The following FRG1 variants were observed in gnomAD, a reference collection of about 807,000 sequenced individuals.
The protein encoded by FRG1 is protein FRG1.
In FRG1, 19 loss-of-function variants were observed where a neutral mutation model predicts 37.0. That is an observed-to-expected ratio of 0.51 (90% CI 0.36 to 0.75). The LOEUF is 0.75. Among genes scored for constraint, FRG1 ranks in the 30% least tolerant of loss-of-function variants. FRG1 has a pLI of 0.00. For synonymous variants in FRG1, 73 were observed against 96.5 expected, an observed-to-expected ratio of 0.76 and a Z score of 1.43; for missense variants, 243 against 301.4, an observed-to-expected ratio of 0.81 and a Z score of 1.44.
At chr4:189,946,653 TTTTTC>T (rs1736541677) in intron 2 of FRG1, among the ~76,000 whole-genome samples, 1 of 152,236 alleles carries the variant, frequency 6.6e-6, no homozygotes. Flanking sequence ...TTCCTTGTGA[TTTTTC>T]TTTTCATGGA....
chr4:189,950,893 GTCTT>G (rs1460610868), intron 2 of FRG1, among the ~76,000 whole-genome samples: 1 of 152,008 alleles, frequency 6.6e-6, no homozygotes, highest in African/African-American at 2.4e-5. Context: ...AACGTGGTAT[GTCTT>G]TCTGTCATCA....
In FRG1 at chr4:189,940,893, T is replaced by A. The variant is rs1211994535; in HGVS notation, c.-117T>A. The A allele has an allele frequency of 1.4e-6, 1 of 704,824 alleles. No individual in the cohort carries two copies. The highest frequency in any genetic ancestry group is 1.7e-5 in the South Asian group (1 of 57,370). 43.7% of individuals were successfully genotyped at this position (704,824 alleles called of 1,614,324 possible). ...AGGCGGGTTCTACAGAGACGTAGGC[T>A]GTCAGGGAGTGTTTATTTCGCGTCC... On this transcript the variant is annotated 5_prime_UTR_variant, in exon 1 of 9. Transcript: ENST00000226798.
intron 6 of FRG1, among the ~76,000 whole-genome samples, chr4:189,959,058 T>C (rs911081101): frequency 2.0e-5 from 3 of 152,340 alleles, no homozygotes; most frequent in East Asian, 1.9e-4. Flanking sequence ...TTCGTTCTTA[T>C]AATTAGAGCA....
At chr4:189,960,382 G>A (rs1579646154) in intron 6 of FRG1, among the ~76,000 whole-genome samples, 1 of 152,176 alleles carries the variant, frequency 6.6e-6, no homozygotes, top group South Asian at 2.1e-4. Context: ...CTTTCAATCC[G>A]ATCAAATGAA....
intron 6 of FRG1, among the ~76,000 whole-genome samples, 162 bp downstream of exon 6, chr4:189,957,664 A>G (rs2126819501): frequency 6.6e-6 from 1 of 152,264 alleles, no homozygotes; most frequent in African/African-American, 2.4e-5. Context: ...TAAATCCCAT[A>G]GTTGATGTCT....
At position 189,960,749 on chromosome 4, in the gene FRG1, T is replaced by G; in HGVS notation, c.539T>G (p.Ile180Ser). 6.2e-7 allele frequency: 1 copy of G among 1,601,634 alleles called. No homozygotes were observed. The highest frequency in any genetic ancestry group is 8.5e-7 in the Non-Finnish European group (1 of 1,174,166). The change falls in exon 7 of 9, where the codon ATT (isoleucine) becomes AGT (serine). Residue 180 changes from isoleucine (I) to serine (S), a missense_variant and splice_region_variant. By Grantham distance (142) the Ile-to-Ser change is moderately radical. Transcript: ENST00000226798. ...KTAGEEEMIK[I>S]RSCAERETKK... ...TGGATTCTCTTTTCCAATATCTAGA[T>G]TAGATCCTGTGCTGAAAGAGAAACC...
rs550015626 is a variant in FRG1 at position 189,946,865 on chromosome 4, T to G, written c.133+3593T>G. ...TTTTTGTTTGTTTGTTTGTTTGTTT[T>G]TTTGGAGATGGAGTCTCGCTGTTGC... is the stretch of plus-strand genomic sequence containing the variant. On this transcript the variant is annotated intron_variant, in intron 2 of 8. Coordinates refer to ENST00000226798, the MANE Select transcript of FRG1 (RefSeq NM_004477.3). Among the ~76,000 whole-genome samples, 144 of 152,232 alleles carry G rather than the reference T, an allele frequency of 9.5e-4. 2 individuals carry two copies. Among genetic ancestry groups the G allele is most frequent in the Admixed American group, 4.8e-3 (73 of 15,288 alleles).
chr4:189,950,414 T>G (rs931196407), intron 2 of FRG1, among the ~76,000 whole-genome samples: 1 of 152,214 alleles, frequency 6.6e-6, no homozygotes, highest in African/African-American at 2.4e-5. Context: ...TGCCTGTGCC[T>G]TTGATGTTCT....
At chr4:189,946,831 G>A (rs1240346521) in intron 2 of FRG1, among the ~76,000 whole-genome samples, 3 of 151,920 alleles carry the variant, frequency 2.0e-5, no homozygotes, top group Non-Finnish European at 2.9e-5. Context: ...GCAGATGTTG[G>A]TTCAGGGTTT....
At chr4:189,941,868 C>T (rs942238070) in intron 1 of FRG1, 15 of 443,028 alleles carry the variant, frequency 3.4e-5, no homozygotes, top group Non-Finnish European at 5.4e-5. Context: ...CGAGTATTTC[C>T]TCCTGGTCTC....
At chr4:189,944,070 A>C (rs1420937631) in intron 2 of FRG1, among the ~76,000 whole-genome samples, 4 of 152,210 alleles carry the variant, frequency 2.6e-5, no homozygotes, top group African/African-American at 9.6e-5. Flanking sequence ...CCTCCTACCA[A>C]GAATGAATTA....
At chr4:189,957,857 T>C (rs573218226) in intron 6 of FRG1, among the ~76,000 whole-genome samples, 1 of 152,254 alleles carries the variant, frequency 6.6e-6, no homozygotes, top group African/African-American at 2.4e-5. Flanking sequence ...GGTCCAACAT[T>C]TTCAAATAAA....
At chr4:189,941,519 T>C (rs1736300811) in intron 1 of FRG1, among the ~76,000 whole-genome samples, 2 of 152,230 alleles carry the variant, frequency 1.3e-5, no homozygotes, top group Non-Finnish European at 2.9e-5. Flanking sequence ...GGTTGAGGTG[T>C]ATATGGGCTT....
In FRG1 at chr4:189,953,064, A is replaced by G. The variant is rs748453129; in HGVS notation, c.260-4A>G. On this transcript the variant is annotated splice_polypyrimidine_tract_variant and splice_region_variant and intron_variant, in intron 3 of 8. Coordinates refer to ENST00000226798, the MANE Select transcript of FRG1 (RefSeq NM_004477.3). ...TTTATTTTCAAATGTTTTTTCTCCA[A>G]TAGTTGATGAGGGCCCTAGTCCTCC... The G allele has an allele frequency of 1.7e-5, 26 of 1,572,578 alleles. No individual in the cohort carries two copies. The highest frequency in any genetic ancestry group is 5.6e-5 in the Admixed American group (3 of 53,296).
chr4:189,950,870 A>G (rs1736723436), intron 2 of FRG1, among the ~76,000 whole-genome samples: 1 of 152,070 alleles, frequency 6.6e-6, no homozygotes, highest in African/African-American at 2.4e-5. Flanking sequence ...GAGTACATAA[A>G]CGTACATTTC....
chr4:189,962,879 A>C (rs1579650757), intron 8 of FRG1, among the ~76,000 whole-genome samples: 1 of 152,224 alleles, frequency 6.6e-6, no homozygotes, highest in South Asian at 2.1e-4. Flanking sequence ...AAAAGCCCTT[A>C]GGCAACATTT....
intron 5 of FRG1, among the ~76,000 whole-genome samples, chr4:189,955,658 A>G (rs1736952457): frequency 6.6e-6 from 1 of 152,108 alleles, no homozygotes. Context: ...AAGAAAAAAG[A>G]TAATATACTA....
chr4:189,959,804 A>G, intron 6 of FRG1: 1 of 817,232 alleles, frequency 1.2e-6, no homozygotes, highest in Non-Finnish European at 1.5e-6. Context: ...AGCTCTGAAC[A>G]GTGATTATTT....
chr4:189,946,326 A>AG (rs1736527966), intron 2 of FRG1, among the ~76,000 whole-genome samples: 1 of 150,766 alleles, frequency 6.6e-6, no homozygotes, highest in African/African-American at 2.4e-5. Flanking sequence ...AAAAAAAAAA[A>AG]GCAAAAAAAT....
Sources: gnomAD v4.1 joint callset for allele counts (sites outside exome capture counted in the v4.1 genomes callset) on GRCh38, gnomAD v4.1.1 for gene constraint, MANE v1.5 for transcripts, NCBI Gene and HGNC (gene_info 2026-07-23, HGNC 2026-07-21) for gene names.